IRAG1: variants seen among roughly 807,000 people sequenced by gnomAD.
IRAG1 encodes the protein IP3R-associated cGMP kinase substrate.
Under a neutral mutation model 106.2 loss-of-function variants are expected in IRAG1, and 62 were observed. The ratio of observed to expected loss-of-function variants is 0.58; its 90% CI spans 0.48 to 0.72. The LOEUF (loss-of-function observed/expected upper bound fraction) is 0.72. IRAG1 is among the 30% of genes least tolerant of loss of function. The probability of loss-of-function intolerance (pLI) is 0.00; values close to 1 mark genes in which losing one functional copy is unlikely to be tolerated. For synonymous variants in IRAG1, 462 were observed against 443.9 expected (o/e 1.04, Z -0.51); for missense variants, 1,064 against 1,140.7 (o/e 0.93, Z 0.97).
At chr11:10,617,828 T>C (rs1331884639) in intron 10 of IRAG1, among the ~76,000 whole-genome samples, 1 of 152,208 alleles carries the variant, frequency 6.6e-6, no homozygotes, top group Non-Finnish European at 1.5e-5. Context: ...AACTATCCTG[T>C]CCACATTTAC....
At chr11:10,608,602 G>A (rs946266776) in intron 11 of IRAG1, among the ~76,000 whole-genome samples, 5 of 152,152 alleles carry the variant, frequency 3.3e-5, no homozygotes, top group African/African-American at 1.2e-4. Context: ...GCCTCTAAAA[G>A]GACACAGCAT....
chr11:10,578,195 A>G (rs1454062062), intron 20 of IRAG1, among the ~76,000 whole-genome samples: 2 of 152,226 alleles, frequency 1.3e-5, no homozygotes, highest in Non-Finnish European at 2.9e-5. Flanking sequence ...TTTAGAAGTC[A>G]ATTTTTGGTT....
chr11:10,689,454 G>C (rs1272641706), intron 1 of IRAG1, among the ~76,000 whole-genome samples: 1 of 152,114 alleles, frequency 6.6e-6, no homozygotes, highest in Non-Finnish European at 1.5e-5. Context: ...TTTAAGGCTG[G>C]GTCAGTATCC....
intron 1 of IRAG1, among the ~76,000 whole-genome samples, chr11:10,664,080 T>C (rs573983458): frequency 6.6e-6 from 1 of 152,250 alleles, no homozygotes; most frequent in Admixed American, 6.5e-5. Flanking sequence ...AGGGCAGTGC[T>C]CTTGATCATT....
intron 1 of IRAG1, among the ~76,000 whole-genome samples, chr11:10,681,994 T>C (rs1223218101): frequency 1.3e-5 from 2 of 152,232 alleles, no homozygotes; most frequent in Non-Finnish European, 1.5e-5. Context: ...ATGGGCTGCA[T>C]GCACTTTGCA....
intron 1 of IRAG1, among the ~76,000 whole-genome samples, chr11:10,660,641 A>G (rs76772662): frequency 0.035 from 5,350 of 152,298 alleles, 335 homozygotes; most frequent in African/African-American, 0.12. Flanking sequence ...TCACCCCAAG[A>G]TAGCACAGTT....
At chr11:10,587,725 C>T (rs944601747) in intron 18 of IRAG1, among the ~76,000 whole-genome samples, 1 of 152,204 alleles carries the variant, frequency 6.6e-6, no homozygotes, top group African/African-American at 2.4e-5. Flanking sequence ...TCCACACACA[C>T]CCTGTCTCTC....
intron 1 of IRAG1, among the ~76,000 whole-genome samples, chr11:10,664,162 C>T (rs970836793): frequency 1.3e-5 from 2 of 152,176 alleles, no homozygotes; most frequent in African/African-American, 4.8e-5. Context: ...AGCCCCTCTC[C>T]GAGGAACTGG....
intron 1 of IRAG1, among the ~76,000 whole-genome samples, chr11:10,689,878 G>C (rs1242986719): frequency 6.6e-6 from 1 of 151,708 alleles, no homozygotes; most frequent in Non-Finnish European, 1.5e-5. Context: ...TATTCTAGAG[G>C]GTTTTTTATT....
chr11:10,624,180 G>A (rs1856052411), intron 9 of IRAG1, among the ~76,000 whole-genome samples: 1 of 152,198 alleles, frequency 6.6e-6, no homozygotes, highest in African/African-American at 2.4e-5. Context: ...GGTTTGCAAA[G>A]GACACACAGG....
At chr11:10,687,526 T>G in intron 1 of IRAG1, 2 of 531,452 alleles carry the variant, frequency 3.8e-6, no homozygotes, top group East Asian at 1.8e-4. Flanking sequence ...TCCAAACACT[T>G]TCCAACACCA....
intron 2 of IRAG1, among the ~76,000 whole-genome samples, chr11:10,635,903 G>A (rs925257654): frequency 4.3e-5 from 6 of 140,262 alleles, no homozygotes; most frequent in Non-Finnish European, 8.9e-5. Flanking sequence ...GTTCTTATCC[G>A]GGAGCGATTC....
rs980108096 is a variant in IRAG1 at position 10,647,598 on chromosome 11, G to A, written c.225+4427C>T. ...AGTTGTTCAGGTGGAAGCTAGAGCC[G>A]GTGAAAATTGGGCTCTTACAGCTAA... On this transcript the variant is annotated intron_variant, in intron 2 of 20. Coordinates refer to ENST00000423302, the MANE Select transcript of IRAG1 (RefSeq NM_130385.4). This position sits in a 1 kb window ranked among gnomAD's most constrained non-coding sequence, Gnocchi z 4.3. 5.9e-5 allele frequency among the ~76,000 whole-genome samples: 9 copies of A among 152,120 alleles called. No homozygotes were observed. The highest frequency in any genetic ancestry group is 1.2e-4 in the African/African-American group (5 of 41,418).
chr11:10,594,382 T>A lies in IRAG1; in HGVS notation c.2018-187A>T, dbSNP rs976965864. ...TGAGATGGGGCTGCAGAGTGGGGGCTTTTTTTGGACAAAACCTTTATCCTA... is the reference window on the plus strand; with the variant it reads ...TGAGATGGGGCTGCAGAGTGGGGGCATTTTTTGGACAAAACCTTTATCCTA... On this transcript the variant is annotated intron_variant, in intron 15 of 20. Transcript: ENST00000423302. Among the ~76,000 whole-genome samples the A allele has an allele frequency of 4.6e-5, 7 of 152,080 alleles. No homozygotes were observed. In the East Asian group the frequency reaches 1.3e-3, roughly 29 times the overall value.
chr11:10,680,058 G>A (rs1158961437), intron 1 of IRAG1, among the ~76,000 whole-genome samples: 1 of 151,926 alleles, frequency 6.6e-6, no homozygotes, highest in Non-Finnish European at 1.5e-5. Flanking sequence ...TAGATCACCT[G>A]AGGTCAGGGG....
At chr11:10,693,157 G>C (rs752013344) in intron 1 of IRAG1, among the ~76,000 whole-genome samples, 1 of 152,180 alleles carries the variant, frequency 6.6e-6, no homozygotes, top group Non-Finnish European at 1.5e-5. Context: ...AGGAAGCACA[G>C]AGGGGAGAAA....
intron 1 of IRAG1, among the ~76,000 whole-genome samples, chr11:10,680,336 G>GAAAGAAAGAAAGAAA (rs1861064782): frequency 1.3e-5 from 1 of 75,022 alleles, no homozygotes; most frequent in African/African-American, 6.0e-5. Flanking sequence ...AAGGAAGGAA[G>GAAAGAAAGAAAGAAA]GAAGGAAGGA....
chr11:10,599,292 CA>C (rs1853689338), intron 15 of IRAG1, among the ~76,000 whole-genome samples: 1 of 152,104 alleles, frequency 6.6e-6, no homozygotes, highest in African/African-American at 2.4e-5. Flanking sequence ...TAGGGCAAAC[CA>C]AAGGTACTCA....
intron 1 of IRAG1, among the ~76,000 whole-genome samples, chr11:10,691,575 AC>A (rs1457591287): frequency 6.6e-6 from 1 of 151,982 alleles, no homozygotes; most frequent in African/African-American, 2.4e-5. Flanking sequence ...TAACTTCCTC[AC>A]CCAAGATACT....
Sources: allele counts gnomAD v4.1 joint callset (sites outside exome capture counted in the v4.1 genomes callset), GRCh38; gene constraint gnomAD v4.1.1; non-coding constraint Gnocchi (gnomAD v3.1); transcripts MANE v1.5; gene names NCBI Gene and HGNC (gene_info 2026-07-23, HGNC 2026-07-21).